Variants in A2ML1 observed in about 807,000 individuals in gnomAD.
A2ML1 encodes the protein alpha-2-macroglobulin-like protein 1.
In A2ML1, 161 loss-of-function variants were observed where a neutral mutation model predicts 181.9. That is an observed-to-expected ratio of 0.89 (90% CI 0.78 to 1.01). A2ML1 has a LOEUF of 1.01. A2ML1 is among the 50% of genes least tolerant of loss of function. The pLI is 0.00. For synonymous variants in A2ML1, 663 were observed against 666.8 expected, an observed-to-expected ratio of 0.99 and a Z score of 0.09; for missense variants, 1,670 against 1,768.1, an observed-to-expected ratio of 0.94 and a Z score of 1.00.
intron 21 of A2ML1, 71 bp from the exon 22 acceptor site, chr12:8,854,709 C>T: frequency 6.4e-7 from 1 of 1,564,238 alleles, no homozygotes; most frequent in Non-Finnish European, 8.8e-7. Context: ...GGCCTCCCTT[C>T]CCTTTCCTTT....
At position 8,867,945 on chromosome 12, in the gene A2ML1, G is replaced by T. The variant is rs199517408; in HGVS notation, c.3821G>T (p.Arg1274Leu). ...GTAAAATCCACTGAGAATTTCCAGCGCACATTCAACATACAGTCAGTTAAC... is the reference window on the plus strand; with the variant it reads ...GTAAAATCCACTGAGAATTTCCAGCTCACATTCAACATACAGTCAGTTAAC... ...LVVKSTENFQ[R>L]TFNIQSVNRL... Residue 1274 changes from arginine (R) to leucine (L), a missense_variant, in exon 30 of 36, where the codon CGC (arginine) becomes CTC (leucine). Transcript: ENST00000299698. The T allele has an allele frequency of 1.2e-6, 2 of 1,614,172 alleles. No homozygotes were observed. Among genetic ancestry groups the T allele is most frequent in the Non-Finnish European group, 1.7e-6 (2 of 1,180,042 alleles).
intron 25 of A2ML1, 50 bp downstream of exon 25, chr12:8,857,638 T>G: frequency 6.4e-7 from 1 of 1,557,532 alleles, no homozygotes; most frequent in Non-Finnish European, 8.8e-7. Context: ...GCATAATTCC[T>G]GAGCCCTCTG....
At chr12:8,837,688 T>TA in intron 8 of A2ML1, 122 bp downstream of exon 8, 2 of 1,085,152 alleles carry the variant, frequency 1.8e-6, no homozygotes, top group Non-Finnish European at 1.2e-6. Flanking sequence ...GAGACCAGCC[T>TA]GACCAATATG....
chr12:8,852,339 AAG>A lies in A2ML1; in HGVS notation c.2590+8_2590+9del. 2 of 1,614,054 alleles carry A rather than the reference AAG, an allele frequency of 1.2e-6. No individual in the cohort carries two copies. The highest frequency in any genetic ancestry group is 2.2e-5 in the South Asian group (2 of 91,058). ...GAACATCACAGCTGTCAAATTGGGTAAGAGAGGGAAGTGGTAGACGGGCGAGG... is the reference window on the plus strand; with the variant it reads ...GAACATCACAGCTGTCAAATTGGGTAAGAGGGAAGTGGTAGACGGGCGAGG... On this transcript the variant is annotated splice_donor_5th_base_variant and intron_variant, in intron 20 of 35. Coordinates refer to ENST00000299698, the MANE Select transcript of A2ML1 (RefSeq NM_144670.6). This position sits in a 1 kb window ranked among gnomAD's most constrained non-coding sequence, Gnocchi z 4.2.
intron 4 of A2ML1, 118 bp from the exon 5 acceptor site, chr12:8,834,543 GA>G: frequency 8.0e-7 from 1 of 1,250,304 alleles, no homozygotes; most frequent in Non-Finnish European, 1.1e-6. Context: ...TAGAAAGGAA[GA>G]AATGAAGAAA....
At chr12:8,863,162 A>C (rs1354777149) in intron 28 of A2ML1, among the ~76,000 whole-genome samples, 1 of 149,322 alleles carries the variant, frequency 6.7e-6, no homozygotes, top group Non-Finnish European at 1.5e-5. Context: ...GTTGGAGTGC[A>C]TTGGCGTGAT....
At chr12:8,855,488 C>T (rs189298097) in intron 22 of A2ML1, 21 bp from the exon 23 acceptor site, 26 of 1,612,748 alleles carry the variant, frequency 1.6e-5, no homozygotes, top group Admixed American at 1.2e-4. Flanking sequence ...ATTGTGTCAC[C>T]TTTTTTTCTG....
At chr12:8,880,613 C>G (rs1944861355), downstream of A2ML1, 1 of 152,010 alleles carries the variant, frequency 6.6e-6, no homozygotes, top group Non-Finnish European at 1.5e-5. Flanking sequence ...CTACAGTTAT[C>G]CAGGTAAAAG....
In A2ML1 at chr12:8,824,356, T is replaced by G. The variant is rs144506145; in HGVS notation, c.409+474T>G. 8.7e-3 allele frequency among the ~76,000 whole-genome samples: 1,314 copies of G among 151,678 alleles called. 8 individuals are homozygous for G. The highest frequency in any genetic ancestry group is 0.014 in the Non-Finnish European group (973 of 67,930). On this transcript the variant is annotated intron_variant, in intron 3 of 35. Coordinates refer to ENST00000299698, the MANE Select transcript of A2ML1 (RefSeq NM_144670.6). ...TTTTTTTTATTTTTTTATTTAAAATTTTTGTGGGTACATAGCTGGTGTATA... is the reference window on the plus strand; with the variant it reads ...TTTTTTTTATTTTTTTATTTAAAATGTTTGTGGGTACATAGCTGGTGTATA...
rs780837488 is a variant in A2ML1 at position 8,861,209 on chromosome 12, C to T, written c.3414C>T (p.Ala1138=). 5.0e-6 allele frequency: 8 copies of T among 1,614,142 alleles called. No homozygotes were observed. In the Admixed American group the frequency reaches 8.3e-5, roughly 17 times the overall value. The change falls in exon 28 of 36, where the codon GCC becomes GCT. Residue 1138 remains alanine (A), a synonymous_variant. Transcript: ENST00000299698. ...CCACGACCAACCTCTACACACAGGC[C>T]CTGTTGGCTTACATTTTCTCCCTGG... The part of the protein sequence containing the change: ...ATSTTNLYTQ[A]LLAYIFSLAG...
At chr12:8,869,995 C>T (rs986549906) in intron 33 of A2ML1, among the ~76,000 whole-genome samples, 1 of 152,034 alleles carries the variant, frequency 6.6e-6, no homozygotes, top group African/African-American at 2.4e-5. Flanking sequence ...TGTATGTAAC[C>T]TTTCATTTTA....
intron 23 of A2ML1, 29 bp downstream of exon 23, chr12:8,855,621 A>G: frequency 1.2e-6 from 2 of 1,612,084 alleles, no homozygotes; most frequent in Non-Finnish European, 1.7e-6. Context: ...TTGACTCAGA[A>G]AGGAAAAGGC....
At position 8,868,223 on chromosome 12, in the gene A2ML1, C is replaced by T; in HGVS notation, c.3934-7C>T. Reference sequence around the variant, plus strand: ...GTCTGATTTGGCTACCTATTTCTTCCTACCAGACGGTGTTGAGATACAATA... The same window carrying T: ...GTCTGATTTGGCTACCTATTTCTTCTTACCAGACGGTGTTGAGATACAATA... On this transcript the variant is annotated splice_region_variant and splice_polypyrimidine_tract_variant and intron_variant, in intron 30 of 35. Transcript: ENST00000299698. The T allele has an allele frequency of 6.2e-7, 1 of 1,613,850 alleles. No homozygotes were observed. Among genetic ancestry groups the T allele is most frequent in the Admixed American group, 1.7e-5 (1 of 59,934 alleles).
chr12:8,835,607 C>T lies in A2ML1; in HGVS notation c.584C>T (p.Thr195Ile). The change falls in exon 6 of 36, where the codon ACC becomes ATC. Residue 195 changes from threonine to isoleucine, a missense_variant. Thr to Ile is a moderately conservative substitution (Grantham distance 89, BLOSUM62 -1). Coordinates refer to ENST00000299698, the MANE Select transcript of A2ML1 (RefSeq NM_144670.6). ...FQLAPEAMLG[T>I]YTVAVAEGKT... ...CTGGCACCAGAGGCAATGCTGGGCA[C>T]CTACACTGTGGCAGTGGCTGAGGGC... The T allele has an allele frequency of 6.2e-7, 1 of 1,614,192 alleles. No homozygotes were observed. The highest frequency in any genetic ancestry group is 1.1e-5 in the South Asian group (1 of 91,084).
intron 12 of A2ML1, among the ~76,000 whole-genome samples, chr12:8,844,373 A>G (rs1943596245): frequency 1.3e-5 from 2 of 151,752 alleles, no homozygotes; most frequent in South Asian, 4.2e-4. Flanking sequence ...AAGTGCTGGG[A>G]CTGCAGGCAT....
intron 33 of A2ML1, 49 bp from the exon 34 acceptor site, chr12:8,874,372 AGTGT>A: frequency 7.3e-7 from 1 of 1,363,004 alleles, no homozygotes. Context: ...CATTGCATAC[AGTGT>A]AATTTTCATT....
At chr12:8,840,649 C>A (rs1171773660) in intron 10 of A2ML1, among the ~76,000 whole-genome samples, 1 of 151,780 alleles carries the variant, frequency 6.6e-6, no homozygotes, top group African/African-American at 2.4e-5. Flanking sequence ...ATGGCTCATG[C>A]CTGTAATCTC....
In A2ML1 at chr12:8,842,099, C is replaced by T. The variant is rs752950102; in HGVS notation, c.1248+563C>T. 3.9e-5 allele frequency among the ~76,000 whole-genome samples: 6 copies of T among 152,336 alleles called. No homozygotes were observed. The East Asian group carries it at 5.8e-4, about 15-fold the overall frequency. ...ATCGGCTGGCCATAAGCTGCTGCTC[C>T]GCATGCCTCTCATGCAGGAGCCAGC... is the stretch of plus-strand genomic sequence containing the variant. On this transcript the variant is annotated intron_variant, in intron 11 of 35. Transcript: ENST00000299698.
At position 8,852,859 on chromosome 12, in the gene A2ML1, C is replaced by G. The variant is rs777720155; in HGVS notation, c.2590+523C>G. Reference sequence around the variant, plus strand: ...TACAGTCGCGTGCCACCCTACCCGGCTAATTTTTGTACTTTTAGTAGAGGT... The same window carrying G: ...TACAGTCGCGTGCCACCCTACCCGGGTAATTTTTGTACTTTTAGTAGAGGT... On this transcript the variant is annotated intron_variant, in intron 20 of 35. Coordinates refer to ENST00000299698, the MANE Select transcript of A2ML1 (RefSeq NM_144670.6). The surrounding 1 kb of genome is among the most constrained non-coding windows in gnomAD (Gnocchi z 4.2). 8.5e-5 allele frequency among the ~76,000 whole-genome samples: 13 copies of G among 152,056 alleles called. No homozygotes were observed. The highest frequency in any genetic ancestry group is 1.6e-4 in the Non-Finnish European group (11 of 68,020).
Sources: allele counts gnomAD v4.1 joint callset (sites outside exome capture counted in the v4.1 genomes callset), GRCh38; gene constraint gnomAD v4.1.1; non-coding constraint Gnocchi (gnomAD v3.1); transcripts MANE v1.5; gene names NCBI Gene and HGNC (gene_info 2026-07-23, HGNC 2026-07-21).